The following NAA11 variants were observed in gnomAD, a reference collection of about 807,000 sequenced individuals.
The protein encoded by NAA11 is N-alpha-acetyltransferase 11, NatA catalytic subunit.
A neutral mutation model predicts 16.1 loss-of-function variants in NAA11; 15 were observed. The observed-to-expected ratio is 0.93, with a 90% confidence interval of 0.62 to 1.44. NAA11 has a LOEUF of 1.44. Among genes scored for constraint, NAA11 ranks in the 40% most tolerant of loss-of-function variants. NAA11 has a pLI of 0.00. For missense variants in NAA11, 298 were observed against 291.3 expected, an observed-to-expected ratio of 1.02 and a Z score of -0.17; for synonymous variants, 122 against 112.4, an observed-to-expected ratio of 1.09 and a Z score of -0.54.
downstream of NAA11, among the ~76,000 whole-genome samples, chr4:79,313,953 G>A (rs1017586348): frequency 6.6e-6 from 1 of 152,076 alleles, no homozygotes; most frequent in African/African-American, 2.4e-5. Context: ...AACAAATTGG[G>A]ACAAATTTCA....
At chr4:79,193,511 G>A in the NAA11 span, among the ~76,000 whole-genome samples, 1 of 152,066 alleles carries the variant, frequency 6.6e-6, no homozygotes, top group African/African-American at 2.4e-5. Context: ...GTTTTTGTCA[G>A]ATTTGTCAAA....
intron 2 of NAA11, among the ~76,000 whole-genome samples, chr4:79,278,606 A>C (rs1722719261): frequency 6.6e-6 from 1 of 152,140 alleles, no homozygotes; most frequent in African/African-American, 2.4e-5. Flanking sequence ...TAGACCACTC[A>C]GGGCATAATA....
At chr4:79,275,415 T>C (rs727312) in intron 2 of NAA11, among the ~76,000 whole-genome samples, 69,146 of 151,744 alleles carry the variant, frequency 0.46, 16,307 homozygotes, top group Middle Eastern at 0.56. Context: ...AAGGGGAAAA[T>C]TGAGGCAGAT....
chr4:79,232,442 T>C (rs1349496927), intron 2 of NAA11, among the ~76,000 whole-genome samples: 1 of 151,954 alleles, frequency 6.6e-6, no homozygotes, highest in Non-Finnish European at 1.5e-5. Flanking sequence ...CTTTCCTATG[T>C]TAATGCTCAC....
intron 2 of NAA11, among the ~76,000 whole-genome samples, chr4:79,282,863 A>G (rs1014609004): frequency 6.6e-6 from 1 of 152,102 alleles, no homozygotes; most frequent in African/African-American, 2.4e-5. Context: ...AGACTAAAGA[A>G]GAAAAAGATC....
intron 2 of NAA11, chr4:79,227,899 A>T (rs1721358649): frequency 6.6e-6 from 1 of 152,016 alleles, no homozygotes; most frequent in Admixed American, 6.6e-5. Context: ...TTATGAAAAT[A>T]TGTAGGTATT....
intron 2 of NAA11, among the ~76,000 whole-genome samples, chr4:79,271,748 G>C (rs1262984747): frequency 6.6e-6 from 1 of 151,962 alleles, no homozygotes; most frequent in Non-Finnish European, 1.5e-5. Flanking sequence ...TTGTACAGTA[G>C]AAATTAGGCT....
intron 1 of NAA11, among the ~76,000 whole-genome samples, chr4:79,296,032 T>C (rs1723212437): frequency 6.6e-6 from 1 of 152,226 alleles, no homozygotes; most frequent in Non-Finnish European, 1.5e-5. Context: ...AGATATCCCT[T>C]TTCTTTTATT....
chr4:79,231,003 A>T (rs1271426371), intron 2 of NAA11, among the ~76,000 whole-genome samples: 1 of 151,938 alleles, frequency 6.6e-6, no homozygotes, highest in Admixed American at 6.6e-5. Flanking sequence ...TTCTTATTTA[A>T]TGTGTATCTT....
intron 2 of NAA11, among the ~76,000 whole-genome samples, chr4:79,263,687 G>A (rs1254678296): frequency 6.6e-6 from 1 of 151,966 alleles, no homozygotes; most frequent in East Asian, 1.9e-4. Context: ...TCTGACTCTG[G>A]TTAAATACAA....
At position 79,273,271 on chromosome 4, in the gene NAA11, A is replaced by G. The variant is rs1415733135; in HGVS notation, c.*122+20734T>C. ...ACCACAAACCACAAGGAAATTTTTT[A>G]GTTAATATAGCTTTGTAAACACATA... is the stretch of plus-strand genomic sequence containing the variant. On this transcript the variant is annotated intron_variant and NMD_transcript_variant, in intron 2 of 2. Coordinates refer to the NAA11 transcript ENST00000511542. 2.0e-5 allele frequency among the ~76,000 whole-genome samples: 3 copies of G among 152,166 alleles called. No individual in the cohort carries two copies. In the East Asian group the frequency reaches 5.8e-4, roughly 29 times the overall value.
chr4:79,192,690 G>A, the NAA11 span, among the ~76,000 whole-genome samples: 16 of 151,800 alleles, frequency 1.1e-4, no homozygotes, highest in Non-Finnish European at 1.5e-4. Context: ...ATAAACATAC[G>A]TGTGCATGTG....
rs376132373 is a variant in NAA11 at position 79,325,982 on chromosome 4, A to C, written c.-105T>G. The C allele has an allele frequency of 5.3e-6, 5 of 952,002 alleles. No individual in the cohort carries two copies. Among genetic ancestry groups the C allele is most frequent in the East Asian group, 5.2e-5 (2 of 38,740 alleles). The allele number at this position is 952,002 out of a possible 1,614,324, so 59.0% of individuals were successfully genotyped here. A position where few individuals can be genotyped will look rare whatever the true frequency, so the allele number is the denominator to read the frequency against. ...CTCAGGAATCGAGTCCAGGGGGCTA[A>C]CACCACCGGGCTGAATCGTGTGGAG... On this transcript the variant is annotated 5_prime_UTR_variant, in exon 1 of 2. Transcript: ENST00000286794.
chr4:79,264,899 T>A (rs1383920019), intron 2 of NAA11, among the ~76,000 whole-genome samples: 1 of 152,210 alleles, frequency 6.6e-6, no homozygotes, highest in Non-Finnish European at 1.5e-5. Context: ...TCTTTATTAT[T>A]GCTAGATCCC....
chr4:79,247,322 T>C (rs1721863207), intron 2 of NAA11, among the ~76,000 whole-genome samples: 1 of 152,200 alleles, frequency 6.6e-6, no homozygotes, highest in Non-Finnish European at 1.5e-5. Flanking sequence ...TTATTTTTTC[T>C]TGTTACCTTC....
intron 2 of NAA11, among the ~76,000 whole-genome samples, chr4:79,274,779 T>C (rs1179106192): frequency 6.6e-6 from 1 of 152,138 alleles, no homozygotes; most frequent in Non-Finnish European, 1.5e-5. Context: ...GTGTTTGGCA[T>C]GACTAAGCTC....
At chr4:79,217,535 T>C in the NAA11 span, among the ~76,000 whole-genome samples, 1 of 152,206 alleles carries the variant, frequency 6.6e-6, no homozygotes, top group Non-Finnish European at 1.5e-5. Flanking sequence ...TAATCTTGTG[T>C]CTAACACTAA....
the NAA11 span, among the ~76,000 whole-genome samples, chr4:79,167,612 A>G: frequency 6.6e-6 from 1 of 152,106 alleles, no homozygotes; most frequent in African/African-American, 2.4e-5. Flanking sequence ...CAAGTTTGAT[A>G]GTATCAGTCC....
At chr4:79,167,152 ATATG>A in the NAA11 span, among the ~76,000 whole-genome samples, 150 of 72,496 alleles carry the variant, frequency 2.1e-3, 42 homozygotes, top group Admixed American at 6.8e-3. Context: ...ATATATATAT[ATATG>A]TATATGGAGA....
Sources: allele counts gnomAD v4.1 joint callset (sites outside exome capture counted in the v4.1 genomes callset), GRCh38; gene constraint gnomAD v4.1.1; transcripts MANE v1.5; gene names NCBI Gene and HGNC (gene_info 2026-07-23, HGNC 2026-07-21).